AEBP2: variants seen among roughly 807,000 people sequenced by gnomAD.
AEBP2 encodes the protein AE binding protein 2.
AEBP2 carries 10 observed loss-of-function variants against 50.8 expected under a neutral mutation model. The ratio of observed to expected loss-of-function variants is 0.20; its 90% confidence interval spans 0.12 to 0.33. The LOEUF (loss-of-function observed/expected upper bound fraction) is 0.33, where lower values mean the gene tolerates loss of function less well. Ranked by LOEUF, AEBP2 falls within the 10% of genes least tolerant of loss-of-function variation. AEBP2 has a pLI of 1.00. For missense variants in AEBP2, 570 were observed against 688.0 expected (o/e 0.83, Z 1.92); for synonymous variants, 296 against 261.3 (o/e 1.13, Z -1.28).
chr12:19,440,819 A>G, intron 1 of AEBP2: 1 of 1,478,252 alleles, frequency 6.8e-7, no homozygotes, highest in Non-Finnish European at 9.1e-7. Flanking sequence ...GATTTAACAG[A>G]ACTTCCTTGT....
At chr12:19,458,360 C>G (rs541386333) in intron 1 of AEBP2, among the ~76,000 whole-genome samples, 8 of 152,172 alleles carry the variant, frequency 5.3e-5, no homozygotes, top group Non-Finnish European at 1.5e-5. Context: ...TGAAGCAGAA[C>G]TTCTGTTGGC....
chr12:19,456,596 G>T, intron 1 of AEBP2: 1 of 1,537,992 alleles, frequency 6.5e-7, no homozygotes, highest in Non-Finnish European at 9.0e-7. Flanking sequence ...GAAGGTTCAG[G>T]ATAATCACCT....
rs938399816 is a variant in AEBP2, at chr12:19,518,238, T to A, written c.*121T>A. On this transcript the variant is annotated 3_prime_UTR_variant, in exon 8 of 8. Coordinates refer to ENST00000266508, the MANE Select transcript of AEBP2 (RefSeq NM_153207.5). ...CCCTTCTTTTTTTTTTTTTTTTTTTTAAATCCAGTATTTAGGATAATATTT... is the reference window on the plus strand; with the variant it reads ...CCCTTCTTTTTTTTTTTTTTTTTTTAAAATCCAGTATTTAGGATAATATTT... 9.0e-5 allele frequency: 111 copies of A among 1,234,168 alleles called. No individual in the cohort carries two copies. In the East Asian group the frequency reaches 1.9e-3, roughly 21 times the overall value. 76.5% of individuals were successfully genotyped at this position (1,234,168 alleles called of 1,614,324 possible).
intron 1 of AEBP2, among the ~76,000 whole-genome samples, chr12:19,427,538 C>A (rs1333205993): frequency 6.6e-6 from 1 of 152,174 alleles, no homozygotes; most frequent in Non-Finnish European, 1.5e-5. Context: ...GTCTGAATTA[C>A]ATAACCAGCT....
chr12:19,494,396 A>C (rs1948939173), intron 4 of AEBP2, among the ~76,000 whole-genome samples: 1 of 151,510 alleles, frequency 6.6e-6, no homozygotes, highest in South Asian at 2.1e-4. Context: ...TGATCGCGCC[A>C]CCACACTTGA....
intron 2 of AEBP2, chr12:19,466,900 C>T (rs557849992): frequency 6.9e-6 from 5 of 723,222 alleles, no homozygotes; most frequent in East Asian, 1.3e-4. Flanking sequence ...TTTTCTCATT[C>T]CACTATAATC....
chr12:19,446,856 G>A (rs906063159), intron 1 of AEBP2, among the ~76,000 whole-genome samples: 5 of 152,088 alleles, frequency 3.3e-5, no homozygotes, highest in African/African-American at 1.2e-4. Flanking sequence ...GGATCCAGGA[G>A]TCTGAGGCTG....
intron 1 of AEBP2, among the ~76,000 whole-genome samples, chr12:19,424,396 CT>C (rs529252995): frequency 2.0e-5 from 3 of 151,704 alleles, no homozygotes; most frequent in East Asian, 3.9e-4. Context: ...GCTAAGATGT[CT>C]TTTTTTCTTT....
intron 1 of AEBP2, among the ~76,000 whole-genome samples, chr12:19,405,077 A>G (rs2095735509): frequency 6.6e-6 from 1 of 150,862 alleles, no homozygotes; most frequent in African/African-American, 2.4e-5. Flanking sequence ...CTGGGACTAC[A>G]GGCATGCCCC....
chr12:19,444,917 C>T (rs1307444354), intron 1 of AEBP2, among the ~76,000 whole-genome samples: 1 of 152,210 alleles, frequency 6.6e-6, no homozygotes, highest in Non-Finnish European at 1.5e-5. Flanking sequence ...TATTTTGAGA[C>T]AGAGTCTTGC....
intron 1 of AEBP2, among the ~76,000 whole-genome samples, chr12:19,430,687 C>T (rs2095750967): frequency 6.6e-6 from 1 of 152,004 alleles, no homozygotes; most frequent in African/African-American, 2.4e-5. Context: ...TGAAGAGGTC[C>T]TTCACATCCC....
At chr12:19,483,481 C>T (rs1207884962) in intron 3 of AEBP2, among the ~76,000 whole-genome samples, 1 of 152,134 alleles carries the variant, frequency 6.6e-6, no homozygotes, top group Non-Finnish European at 1.5e-5. Context: ...TTGAAAGGAT[C>T]TGTGAATTTT....
intron 1 of AEBP2, among the ~76,000 whole-genome samples, chr12:19,442,455 T>C (rs11044562): frequency 0.022 from 3,404 of 152,292 alleles, 48 homozygotes; most frequent in East Asian, 0.043. Context: ...TTAGTTAGTG[T>C]CCATTTACTA....
intron 4 of AEBP2, among the ~76,000 whole-genome samples, chr12:19,498,691 T>C (rs1949022045): frequency 6.6e-6 from 1 of 152,156 alleles, no homozygotes; most frequent in African/African-American, 2.4e-5. Context: ...AATCAACTTA[T>C]TTTGAGCAAC....
At chr12:19,437,930 A>G (rs754811108), upstream of AEBP2, among the ~76,000 whole-genome samples, 1 of 152,224 alleles carries the variant, frequency 6.6e-6, no homozygotes, top group Non-Finnish European at 1.5e-5. Context: ...GTTTTCAGGC[A>G]GTCAGTTCTA....
At chr12:19,476,721 T>C (rs1948653872) in intron 3 of AEBP2, among the ~76,000 whole-genome samples, 1 of 152,184 alleles carries the variant, frequency 6.6e-6, no homozygotes, top group South Asian at 2.1e-4. Context: ...AGCATAGCCT[T>C]GCAGTATAAA....
chr12:19,470,179 G>A (rs1948548630), intron 2 of AEBP2, among the ~76,000 whole-genome samples: 1 of 145,410 alleles, frequency 6.9e-6, no homozygotes, highest in South Asian at 2.1e-4. Context: ...TTTTTTTTAA[G>A]ACGGAGTTTT....
chr12:19,474,805 C>A (rs1948623504), intron 3 of AEBP2, among the ~76,000 whole-genome samples: 1 of 150,858 alleles, frequency 6.6e-6, no homozygotes. Flanking sequence ...TTTTTTTTCC[C>A]CCCTCAAGAT....
At chr12:19,424,686 G>A (rs1293333694) in intron 1 of AEBP2, among the ~76,000 whole-genome samples, 2 of 151,404 alleles carry the variant, frequency 1.3e-5, no homozygotes, top group Non-Finnish European at 1.5e-5. Context: ...GTGAGCCACC[G>A]CGCCCGGCCT....
Sources: allele counts gnomAD v4.1 joint callset (sites outside exome capture counted in the v4.1 genomes callset), GRCh38; gene constraint gnomAD v4.1.1; transcripts MANE v1.5; gene names NCBI Gene and HGNC (gene_info 2026-07-23, HGNC 2026-07-21).